PRKDC: variants seen among roughly 807,000 people sequenced by gnomAD.
The protein encoded by PRKDC is protein kinase, DNA-activated, catalytic subunit.
PRKDC carries 82 observed loss-of-function variants against 486.9 expected under a neutral mutation model. The ratio of observed to expected loss-of-function variants is 0.17; its 90% confidence interval spans 0.14 to 0.20. The LOEUF (loss-of-function observed/expected upper bound fraction) is 0.20. Ranked by LOEUF, PRKDC falls within the 10% of genes least tolerant of loss-of-function variation. The pLI, the probability that PRKDC is intolerant of heterozygous loss-of-function variation, is 1.00. For missense variants in PRKDC, 4,504 were observed against 5,038.2 expected (o/e 0.89, Z 3.21); for synonymous variants, 1,895 against 1,837.0 (o/e 1.03, Z -0.81).
intron 65 of PRKDC, 98 bp downstream of exon 65, chr8:47,821,506 A>G (rs1403166561): frequency 1.2e-5 from 15 of 1,204,992 alleles, no homozygotes; most frequent in Non-Finnish European, 1.8e-5. Flanking sequence ...AGTGCTTCAC[A>G]AGTACTACCT....
rs187755406 is a variant in PRKDC, at chr8:47,792,425, A to G, written c.10670+1865T>C. Among the ~76,000 whole-genome samples the G allele has an allele frequency of 6.1e-4, 93 of 151,868 alleles. No homozygotes were observed. The East Asian group carries it at 0.016, about 27-fold the overall frequency. On this transcript the variant is annotated intron_variant, in intron 74 of 85. Transcript: ENST00000314191. ...AGGCACCTGCCACCATGCCCGGCTAATTTTTTGTATTTTTAGTAGAGATGG... is the reference window on the plus strand; with the variant it reads ...AGGCACCTGCCACCATGCCCGGCTAGTTTTTTGTATTTTTAGTAGAGATGG...
At chr8:47,956,406 G>A (rs1156486752) in intron 3 of PRKDC, among the ~76,000 whole-genome samples, 3 of 151,200 alleles carry the variant, frequency 2.0e-5, no homozygotes, top group African/African-American at 7.3e-5. Flanking sequence ...GTTCATGCCT[G>A]TAATCCCTTT....
rs2090188964 is a variant in PRKDC, at chr8:47,928,309, A to G, written c.2140-419T>C. On this transcript the variant is annotated intron_variant, in intron 19 of 85. Coordinates refer to ENST00000314191, the MANE Select transcript of PRKDC (RefSeq NM_006904.7). ...TGGGATTACAGGCATGTACAACCAC[A>G]CCTGGCTAATTTTTTGTATTTTTAG... 2.6e-5 allele frequency among the ~76,000 whole-genome samples: 4 copies of G among 151,788 alleles called. No individual in the cohort carries two copies. The South Asian group carries it at 8.3e-4, about 32-fold the overall frequency.
chr8:47,813,093 A>ATT (rs2087368285), intron 68 of PRKDC, among the ~76,000 whole-genome samples: 1 of 148,090 alleles, frequency 6.8e-6, no homozygotes, highest in South Asian at 2.1e-4. Context: ...ATAGAATTTT[A>ATT]TATTTATTTA....
chr8:47,959,612 G>A (rs1006862762), intron 1 of PRKDC, among the ~76,000 whole-genome samples: 25 of 151,904 alleles, frequency 1.6e-4, no homozygotes, highest in Admixed American at 1.6e-3. Context: ...CCGGGAGGCG[G>A]AGGTTGCAGT....
At chr8:47,894,259 AGAGT>A (rs2089528562) in intron 30 of PRKDC, among the ~76,000 whole-genome samples, 1 of 152,206 alleles carries the variant, frequency 6.6e-6, no homozygotes, top group Admixed American at 6.5e-5. Flanking sequence ...CCTCAGCTAC[AGAGT>A]GAGACTCGGT....
chr8:47,858,202 T>G (rs1472321950), intron 48 of PRKDC, among the ~76,000 whole-genome samples: 1 of 151,850 alleles, frequency 6.6e-6, no homozygotes, highest in Non-Finnish European at 1.5e-5. Context: ...CCCGCTTTTT[T>G]TTTTCCTACT....
chr8:47,880,353 C>A (rs1589761788), intron 38 of PRKDC, among the ~76,000 whole-genome samples: 1 of 152,162 alleles, frequency 6.6e-6, no homozygotes, highest in African/African-American at 2.4e-5. Flanking sequence ...TGCAGAACTA[C>A]AGAAGAACTT....
At chr8:47,909,934 A>C (rs2089864585) in intron 25 of PRKDC, among the ~76,000 whole-genome samples, 1 of 152,146 alleles carries the variant, frequency 6.6e-6, no homozygotes, top group Admixed American at 6.5e-5. Flanking sequence ...GGCCCTCATC[A>C]GTAATTCTAA....
intron 69 of PRKDC, among the ~76,000 whole-genome samples, chr8:47,806,387 C>A (rs1038122930): frequency 6.6e-5 from 10 of 152,318 alleles, no homozygotes; most frequent in African/African-American, 2.4e-4. Flanking sequence ...CATCCAGTTC[C>A]TGCTCTGCCT....
chr8:47,958,770 C>A (rs2090756895), intron 1 of PRKDC, among the ~76,000 whole-genome samples: 1 of 145,826 alleles, frequency 6.9e-6, no homozygotes, highest in Admixed American at 7.0e-5. Context: ...GAGTCGTGCT[C>A]TGTTGCCCAG....
At chr8:47,939,484 A>G in intron 11 of PRKDC, 67 bp downstream of exon 11, 1 of 1,521,338 alleles carries the variant, frequency 6.6e-7, no homozygotes, top group African/African-American at 1.4e-5. Context: ...TCAAAATGCA[A>G]TGAATTAGAT....
intron 15 of PRKDC, among the ~76,000 whole-genome samples, chr8:47,933,525 C>T (rs547599623): frequency 4.6e-5 from 7 of 152,206 alleles, no homozygotes; most frequent in Non-Finnish European, 7.3e-5. Flanking sequence ...CATATATAGA[C>T]ACTATATCTT....
intron 18 of PRKDC, among the ~76,000 whole-genome samples, chr8:47,929,406 A>C (rs2090212082): frequency 6.6e-6 from 1 of 152,216 alleles, no homozygotes; most frequent in Admixed American, 6.5e-5. Context: ...AGCTAAGTCC[A>C]TTCCCTCTTC....
intron 27 of PRKDC, among the ~76,000 whole-genome samples, chr8:47,901,647 T>A (rs1049982684): frequency 6.6e-6 from 1 of 152,232 alleles, no homozygotes; most frequent in African/African-American, 2.4e-5. Context: ...AACTGCTCAT[T>A]TGCCTATGTG....
rs1231868709 is a variant in PRKDC, at chr8:47,863,392, A to G, written c.5750+7T>C. Reference sequence around the variant, plus strand: ...AAAATAGAATCCAAAATTAAGTAAAATCTTACTTAATCAATGTCTTTGTAA... The same window carrying G: ...AAAATAGAATCCAAAATTAAGTAAAGTCTTACTTAATCAATGTCTTTGTAA... On this transcript the variant is annotated splice_region_variant and intron_variant, in intron 42 of 85. Transcript: ENST00000314191. 3.2e-6 allele frequency: 5 copies of G among 1,586,244 alleles called. No homozygotes were observed. The Admixed American group carries it at 9.0e-5, about 29-fold the overall frequency.
chr8:47,819,406 T>A lies in PRKDC; in HGVS notation c.9441A>T (p.Lys3147Asn), dbSNP rs1203250955. The A allele has an allele frequency of 1.3e-6, 2 of 1,521,746 alleles. No homozygotes were observed. Among genetic ancestry groups the A allele is most frequent in the East Asian group, 2.4e-5 (1 of 41,528 alleles). 94.3% of individuals were successfully genotyped at this position (1,521,746 alleles called of 1,614,324 possible). Residue 3147 changes from lysine (K) to asparagine (N), a missense_variant, in exon 67 of 86, where the codon AAA becomes AAT. Coordinates refer to ENST00000314191, the MANE Select transcript of PRKDC (RefSeq NM_006904.7). The part of the protein sequence containing the change: ...EIQEFISFIS[K>N]QGNLSSQVPL... The stretch of plus-strand genomic sequence containing the variant: ...AAGACCGATGAAAAAAATTACCTTG[T>A]TTGCTTATAAAGCTGATGAACTCCT...
chr8:47,935,311 C>A (rs971450832), intron 13 of PRKDC, among the ~76,000 whole-genome samples: 3 of 151,976 alleles, frequency 2.0e-5, no homozygotes. Context: ...ACCAGCCTAG[C>A]CAATATGGTG....
chr8:47,881,075 CAAGA>C (rs1273943464), intron 38 of PRKDC, among the ~76,000 whole-genome samples: 12 of 148,642 alleles, frequency 8.1e-5, no homozygotes, highest in African/African-American at 2.8e-4. Flanking sequence ...AGCAAGAAAG[CAAGA>C]AAGCAAGAAA....
Sources: allele counts gnomAD v4.1 joint callset (sites outside exome capture counted in the v4.1 genomes callset), GRCh38; gene constraint gnomAD v4.1.1; transcripts MANE v1.5; gene names NCBI Gene and HGNC (gene_info 2026-07-23, HGNC 2026-07-21).